The following GOLGB1 variants were observed in gnomAD, a reference collection of about 807,000 sequenced individuals.
The protein encoded by GOLGB1 is golgin B1.
A neutral mutation model predicts 336.9 loss-of-function variants in GOLGB1; 174 were observed. The observed-to-expected ratio is 0.52, with a 90% confidence interval of 0.46 to 0.59. GOLGB1 has a LOEUF of 0.59. GOLGB1 is among the 20% of genes least tolerant of loss of function. GOLGB1 has a pLI of 0.00. For synonymous variants in GOLGB1, 1,208 were observed against 1,289.2 expected, an observed-to-expected ratio of 0.94 and a Z score of 1.35; for missense variants, 3,331 against 3,645.3, an observed-to-expected ratio of 0.91 and a Z score of 2.22.
chr3:121,689,036 A>G lies in GOLGB1; in HGVS notation c.8694+1634T>C, dbSNP rs373892359. Among the ~76,000 whole-genome samples, 31 of 140,798 alleles carry G rather than the reference A, an allele frequency of 2.2e-4. No homozygotes were observed. In the South Asian group the frequency reaches 6.4e-3, roughly 29 times the overall value. 92.4% of individuals were successfully genotyped at this position (140,798 alleles called of 152,430 possible). A position where few individuals can be genotyped will look rare whatever the true frequency, so the allele number is the denominator to read the frequency against. ...AGGTGGGGGGGTCAGCCCCCCGCCC[A>G]GCCAGCCGCCCCGTCCGGGAGGGAG... is the stretch of plus-strand genomic sequence containing the variant. On this transcript the variant is annotated intron_variant, in intron 14 of 21. Transcript: ENST00000614479.
chr3:121,715,235 C>T (rs2108095693), intron 9 of GOLGB1, among the ~76,000 whole-genome samples: 1 of 150,262 alleles, frequency 6.7e-6, no homozygotes, highest in African/African-American at 2.4e-5. Context: ...ACGGAGTCTC[C>T]CTCTGTTGCC....
chr3:121,732,265 G>T (rs1010491930), intron 1 of GOLGB1, among the ~76,000 whole-genome samples: 11 of 152,096 alleles, frequency 7.2e-5, no homozygotes, highest in Non-Finnish European at 1.0e-4. Context: ...TCCAGATCAA[G>T]GTGGCTTCAT....
intron 1 of GOLGB1, among the ~76,000 whole-genome samples, chr3:121,745,850 C>A (rs1947249684): frequency 6.6e-6 from 1 of 152,152 alleles, no homozygotes; most frequent in South Asian, 2.1e-4. Context: ...GTTGAAGTGG[C>A]ACTCAGAATT....
At chr3:121,747,207 C>A (rs1947368553) in intron 1 of GOLGB1, among the ~76,000 whole-genome samples, 11 of 84,754 alleles carry the variant, frequency 1.3e-4, no homozygotes, top group East Asian at 6.3e-4. Context: ...TGTTACATAA[C>A]AAAACATGTT....
At chr3:121,748,834 A>T in intron 1 of GOLGB1, 1 of 983,558 alleles carries the variant, frequency 1.0e-6, no homozygotes, top group East Asian at 1.1e-4. Context: ...CGCTCCCCAT[A>T]GACCAACTGG....
Position 121,698,505 on chromosome 3 carries a change from C to T in GOLGB1, c.2018G>A (p.Gly673Asp). The T allele has an allele frequency of 6.2e-7, 1 of 1,613,500 alleles. No individual in the cohort carries two copies. The highest frequency in any genetic ancestry group is 1.1e-5 in the South Asian group (1 of 91,040). The change falls in exon 13 of 22, where the codon GGT (glycine) becomes GAT (aspartate). Residue 673 changes from glycine (G) to aspartate (D), a missense_variant. Transcript: ENST00000614479. ...GVELKSTKQD[G>D]DKSLSAVPDI... ...TGGTACAGCAGAAAGGGATTTATCA[C>T]CATCCTGCTTTGTTGATTTCAATTC... is the stretch of plus-strand genomic sequence containing the variant.
chr3:121,724,576 A>AT (rs1553881732), intron 5 of GOLGB1, among the ~76,000 whole-genome samples: 1 of 151,744 alleles, frequency 6.6e-6, no homozygotes, highest in Admixed American at 6.6e-5. Flanking sequence ...AAAAAAAAAA[A>AT]TTGGAAAATT....
rs1943046782 is a variant in GOLGB1 at position 121,697,475 on chromosome 3, TCTA to T, written c.3045_3047del (p.Ser1015del). 6.2e-7 allele frequency: 1 copy of T among 1,610,854 alleles called. No homozygotes were observed. Among genetic ancestry groups the T allele is most frequent in the Non-Finnish European group, 8.5e-7 (1 of 1,179,336 alleles). ...TCAAGTTGGCTAATTCTTCTTCCAA[TCTA>T]CTGACTCTTTGCAGAAGCTCCTTTC... On this transcript the variant is annotated inframe_deletion, in exon 13 of 22. Coordinates refer to ENST00000614479, the MANE Select transcript of GOLGB1 (RefSeq NM_001366282.2).
rs869189384 is a variant in GOLGB1 at position 121,727,320 on chromosome 3, ATTTTTT to A, written c.403-285_403-280del. Among the ~76,000 whole-genome samples the A allele has an allele frequency of 3.7e-3, 106 of 28,552 alleles. 1 individual carries two copies. The highest frequency in any genetic ancestry group is 5.2e-3 in the African/African-American group (40 of 7,700). The allele number at this position is 28,552 out of a possible 152,430, so 18.7% of individuals were successfully genotyped here. ...TATATATATATATATATATATATAT[ATTTTTT>A]TTTTTTTTTTTTTTTTTTTTTTCCC... On this transcript the variant is annotated intron_variant, in intron 4 of 21. Coordinates refer to ENST00000614479, the MANE Select transcript of GOLGB1 (RefSeq NM_001366282.2).
At position 121,693,803 on chromosome 3, in the gene GOLGB1, A is replaced by C. The variant is rs1312921131; in HGVS notation, c.6720T>G (p.Val2240=). ...EIRLKEDNCS[V]LKDQLRQMSI... ...ACATCTGTCTAAGTTGATCCTTTAG[A>C]ACACTGCAATTATCTTCTTTGAGTC... Residue 2240 remains valine (V), a synonymous_variant, in exon 13 of 22, where the codon GTT becomes GTG. Transcript: ENST00000614479. 1 of 1,610,136 alleles carries C rather than the reference A, an allele frequency of 6.2e-7. No homozygotes were observed. The highest frequency in any genetic ancestry group is 1.7e-4 in the Middle Eastern group (1 of 6,060).
intron 9 of GOLGB1, among the ~76,000 whole-genome samples, chr3:121,716,006 C>T (rs865855661): frequency 7.0e-6 from 1 of 143,720 alleles, no homozygotes; most frequent in Admixed American, 6.9e-5. Flanking sequence ...AAAAAAAAAA[C>T]AAAAAACAAA....
intron 1 of GOLGB1, among the ~76,000 whole-genome samples, chr3:121,737,868 G>A (rs373647850): frequency 2.6e-5 from 4 of 151,984 alleles, no homozygotes; most frequent in African/African-American, 4.8e-5. Context: ...GAAAAGATAC[G>A]TGAGACAGAA....
rs746146584 is a variant in GOLGB1, at chr3:121,691,403, G to A, written c.7961C>T (p.Ser2654Phe). Residue 2654 changes from serine (S) to phenylalanine (F), a missense_variant, in exon 14 of 22, where the codon TCC (serine) becomes TTC (phenylalanine). Physicochemically the swap from Ser to Phe is radical, Grantham distance 155. Coordinates refer to ENST00000614479, the MANE Select transcript of GOLGB1 (RefSeq NM_001366282.2). ...TTCTGCAATTCTCTTTTGAGAGGAG[G>A]AAAACAAAGCACTTAACCTGTGTAC... ...EEVHRLSALF[S>F]SSQKRIAELE... is the part of the protein sequence containing the mutation. 4 of 1,613,576 alleles carry A rather than the reference G, an allele frequency of 2.5e-6. No homozygotes were observed. The East Asian group carries it at 8.9e-5, about 36-fold the overall frequency.
rs548190550 is a variant in GOLGB1 at position 121,749,332 on chromosome 3, T to C, written c.-3+300A>G. Reference sequence around the variant, plus strand: ...CGGACAGGACTGACCTAGGCGCTTTTCCCCGTCGCTCCCAGAGGAGAAACG... The same window carrying C: ...CGGACAGGACTGACCTAGGCGCTTTCCCCCGTCGCTCCCAGAGGAGAAACG... On this transcript the variant is annotated intron_variant, in intron 1 of 21. Coordinates refer to ENST00000614479, the MANE Select transcript of GOLGB1 (RefSeq NM_001366282.2). Among the ~76,000 whole-genome samples, 6 of 152,234 alleles carry C rather than the reference T, an allele frequency of 3.9e-5. No individual in the cohort carries two copies. In the East Asian group the frequency reaches 1.2e-3, roughly 29 times the overall value.
intron 17 of GOLGB1, among the ~76,000 whole-genome samples, chr3:121,673,199 G>A (rs1939813052): frequency 2.0e-5 from 3 of 151,896 alleles, no homozygotes; most frequent in Admixed American, 1.3e-4. Context: ...CTCCCAAGTA[G>A]CTGGGATTAC....
intron 6 of GOLGB1, 40 bp downstream of exon 6, chr3:121,722,222 G>A (rs376700118): frequency 2.2e-5 from 25 of 1,114,448 alleles, no homozygotes; most frequent in Non-Finnish European, 3.1e-5. Context: ...TAACCCACTG[G>A]ACTTCATAGC....
intron 14 of GOLGB1, among the ~76,000 whole-genome samples, chr3:121,683,701 T>C (rs1941368344): frequency 6.6e-6 from 1 of 152,042 alleles, no homozygotes; most frequent in East Asian, 1.9e-4. Context: ...GGGGAGAAAA[T>C]GTAATGTACT....
At position 121,666,771 on chromosome 3, in the gene GOLGB1, C is replaced by T. The variant is rs570244212; in HGVS notation, c.9554+705G>A. On this transcript the variant is annotated intron_variant, in intron 20 of 21. Coordinates refer to ENST00000614479, the MANE Select transcript of GOLGB1 (RefSeq NM_001366282.2). ...AGTGCCTGCTTTTAACGATATTTTCCGTGGAAAGGGACTTCCAGCAGCAAA... is the reference window on the plus strand; with the variant it reads ...AGTGCCTGCTTTTAACGATATTTTCTGTGGAAAGGGACTTCCAGCAGCAAA... 2.1e-3 allele frequency among the ~76,000 whole-genome samples: 317 copies of T among 152,274 alleles called. 1 individual carries two copies. The highest frequency in any genetic ancestry group is 3.8e-3 in the Non-Finnish European group (261 of 68,028).
At chr3:121,741,254 C>G (rs1422052346) in intron 1 of GOLGB1, among the ~76,000 whole-genome samples, 1 of 151,860 alleles carries the variant, frequency 6.6e-6, no homozygotes, top group South Asian at 2.1e-4. Flanking sequence ...AAAGAAACAT[C>G]ATTATAAGAA....
Sources: allele counts gnomAD v4.1 joint callset (sites outside exome capture counted in the v4.1 genomes callset), GRCh38; gene constraint gnomAD v4.1.1; transcripts MANE v1.5; gene names NCBI Gene and HGNC (gene_info 2026-07-23, HGNC 2026-07-21).